Variants in COL24A1 observed in about 807,000 individuals in gnomAD.
COL24A1 encodes collagen type XXIV alpha 1 chain.
In COL24A1, 224 loss-of-function variants were observed where a neutral mutation model predicts 253.9. The ratio of observed to expected loss-of-function variants is 0.88; its 90% CI spans 0.79 to 0.99. The LOEUF is 0.99. COL24A1 is among the 50% of genes least tolerant of loss of function. COL24A1 has a pLI of 0.00. For synonymous variants in COL24A1, 685 were observed against 673.7 expected, an observed-to-expected ratio of 1.02 and a Z score of -0.26; for missense variants, 2,131 against 2,068.5, an observed-to-expected ratio of 1.03 and a Z score of -0.59.
rs148722305 is a variant in COL24A1, at chr1:85,818,617, C to T, written c.3790-530G>A. 9.3e-3 allele frequency among the ~76,000 whole-genome samples: 1,419 copies of T among 152,258 alleles called. 63 individuals carry two copies. The highest frequency in any genetic ancestry group is 0.065 in the Admixed American group (998 of 15,292). On this transcript the variant is annotated intron_variant, in intron 45 of 59. Transcript: ENST00000370571. ...TCAAGGAAAAGATATTTATTTCCCA[C>T]GGAACTGTTTGTTTTTCCATGTGTG...
At chr1:85,789,559 T>C (rs1427388812) in intron 47 of COL24A1, among the ~76,000 whole-genome samples, 2 of 152,158 alleles carry the variant, frequency 1.3e-5, no homozygotes, top group African/African-American at 2.4e-5. Context: ...TCTTGCCTGT[T>C]TGCCCTGGAC....
intron 20 of COL24A1, among the ~76,000 whole-genome samples, chr1:85,977,941 G>C (rs1224203074): frequency 6.6e-6 from 1 of 152,122 alleles, no homozygotes; most frequent in African/African-American, 2.4e-5. Flanking sequence ...GTTCTCCAAA[G>C]TCAAGATGAA....
chr1:85,926,060 GA>G (rs1687168992), intron 24 of COL24A1, among the ~76,000 whole-genome samples: 1 of 152,142 alleles, frequency 6.6e-6, no homozygotes, highest in Non-Finnish European at 1.5e-5. Context: ...GCAGCCAACA[GA>G]CACATGAAAA....
At chr1:86,059,242 C>A (rs1331064058) in intron 8 of COL24A1, 68 bp from the exon 9 acceptor site, 4 of 1,124,940 alleles carry the variant, frequency 3.6e-6, no homozygotes, top group Non-Finnish European at 5.1e-6. Context: ...ATTTACAATA[C>A]ACAAGCTTGG....
chr1:85,983,445 G>T (rs959086438), intron 20 of COL24A1, among the ~76,000 whole-genome samples: 1 of 151,990 alleles, frequency 6.6e-6, no homozygotes, highest in South Asian at 2.1e-4. Flanking sequence ...TTCCTACTTT[G>T]AGGTTTTTAG....
At chr1:85,745,214 G>C (rs1665078873) in intron 56 of COL24A1, among the ~76,000 whole-genome samples, 2 of 151,910 alleles carry the variant, frequency 1.3e-5, no homozygotes, top group Non-Finnish European at 1.5e-5. Context: ...ACAAATAACA[G>C]TACTAAATTT....
chr1:85,862,452 T>C (rs1210281387), intron 37 of COL24A1, among the ~76,000 whole-genome samples: 2 of 152,108 alleles, frequency 1.3e-5, no homozygotes, highest in Non-Finnish European at 2.9e-5. Flanking sequence ...TAAAAAGACA[T>C]ACAAGGACCA....
chr1:86,083,719 C>T lies in COL24A1; in HGVS notation c.1707+5455G>A, dbSNP rs114473309. The stretch of plus-strand genomic sequence containing the variant: ...CAGAGGATCAGTGAAAATAAGACAG[C>T]AGAGAGGAGGTGGTGCTTTGAGAAG... On this transcript the variant is annotated intron_variant, in intron 7 of 59. Coordinates refer to ENST00000370571, the MANE Select transcript of COL24A1 (RefSeq NM_152890.7). Among the ~76,000 whole-genome samples the T allele has an allele frequency of 6.7e-3, 1,025 of 152,146 alleles. 16 individuals are homozygous for T. Among genetic ancestry groups the T allele is most frequent in the African/African-American group, 0.024 (982 of 41,506 alleles).
intron 32 of COL24A1, among the ~76,000 whole-genome samples, chr1:85,880,963 A>G (rs910149219): frequency 2.0e-5 from 3 of 152,174 alleles, no homozygotes; most frequent in Non-Finnish European, 4.4e-5. Context: ...ATGTTCATGA[A>G]TGATATTGGT....
chr1:85,879,339 T>A (rs191164136), intron 32 of COL24A1, among the ~76,000 whole-genome samples: 19 of 152,190 alleles, frequency 1.2e-4, no homozygotes, highest in Non-Finnish European at 2.6e-4. Context: ...TGTTCCAGCA[T>A]AATTTGTTGA....
intron 47 of COL24A1, among the ~76,000 whole-genome samples, chr1:85,797,448 A>G (rs1394029176): frequency 6.6e-6 from 1 of 152,204 alleles, no homozygotes; most frequent in African/African-American, 2.4e-5. Context: ...AAAGATCACC[A>G]TAAAGTTAGA....
intron 55 of COL24A1, among the ~76,000 whole-genome samples, chr1:85,758,511 C>A (rs1040294192): frequency 2.0e-5 from 3 of 152,114 alleles, no homozygotes; most frequent in African/African-American, 7.2e-5. Flanking sequence ...AAATACCTTA[C>A]CATACACACT....
chr1:85,738,806 C>T (rs902174649), intron 57 of COL24A1, among the ~76,000 whole-genome samples: 15 of 152,144 alleles, frequency 9.9e-5, no homozygotes, highest in African/African-American at 3.6e-4. Context: ...TTCTACTAAT[C>T]CCTCTAAATG....
chr1:85,963,621 T>A (rs1019809490), intron 23 of COL24A1, among the ~76,000 whole-genome samples: 1 of 151,898 alleles, frequency 6.6e-6, no homozygotes, highest in Non-Finnish European at 1.5e-5. Context: ...CTTAAGCAAC[T>A]CCCCCAGGCA....
At chr1:85,885,628 C>A (rs920593790) in intron 32 of COL24A1, among the ~76,000 whole-genome samples, 1 of 151,742 alleles carries the variant, frequency 6.6e-6, no homozygotes, top group Non-Finnish European at 1.5e-5. Context: ...AATATGCATG[C>A]CATAGTAAGC....
intron 52 of COL24A1, among the ~76,000 whole-genome samples, chr1:85,777,716 C>T (rs1273130725): frequency 1.3e-5 from 2 of 152,010 alleles, no homozygotes; most frequent in African/African-American, 2.4e-5. Flanking sequence ...AGAATATGTA[C>T]CTATATTTAA....
chr1:86,074,635 C>T (rs1313904780), intron 7 of COL24A1, among the ~76,000 whole-genome samples: 2 of 152,120 alleles, frequency 1.3e-5, no homozygotes, highest in Non-Finnish European at 2.9e-5. Context: ...ACTCTGCACC[C>T]CAAATCAACA....
chr1:86,055,192 C>T, intron 10 of COL24A1, among the ~76,000 whole-genome samples: 1 of 152,164 alleles, frequency 6.6e-6, no homozygotes, highest in East Asian at 1.9e-4. Flanking sequence ...CTATTGGGTA[C>T]TATGTTCACT....
At chr1:85,999,805 A>C (rs1695224622) in intron 19 of COL24A1, among the ~76,000 whole-genome samples, 1 of 152,180 alleles carries the variant, frequency 6.6e-6, no homozygotes, top group Non-Finnish European at 1.5e-5. Context: ...CCAGGCAAAG[A>C]AATAGAACTT....
Sources: allele counts gnomAD v4.1 joint callset (sites outside exome capture counted in the v4.1 genomes callset), GRCh38; gene constraint gnomAD v4.1.1; transcripts MANE v1.5; gene names NCBI Gene and HGNC (gene_info 2026-07-23, HGNC 2026-07-21).